FOXN3: variants seen among roughly 807,000 people sequenced by gnomAD.
FOXN3 encodes the protein forkhead box N3.
Under a neutral mutation model 38.4 loss-of-function variants are expected in FOXN3, and 7 were observed. That is an observed-to-expected ratio of 0.18 (90% CI 0.10 to 0.34). The LOEUF (loss-of-function observed/expected upper bound fraction) is 0.34, where lower values mean the gene tolerates loss of function less well. Ranked by LOEUF, FOXN3 falls within the 10% of genes least tolerant of loss-of-function variation. The probability of loss-of-function intolerance (pLI) is 1.00; values close to 1 mark genes in which losing one functional copy is unlikely to be tolerated. For synonymous variants in FOXN3, 230 were observed against 242.2 expected (o/e 0.95, Z 0.47); for missense variants, 456 against 613.4 (o/e 0.74, Z 2.71).
rs990657252 is a variant in FOXN3 at position 89,464,457 on chromosome 14, C to T, written c.-14-51967G>A. Among the ~76,000 whole-genome samples, 7 of 152,150 alleles carry T rather than the reference C, an allele frequency of 4.6e-5. No homozygotes were observed. In the South Asian group the frequency reaches 6.2e-4, roughly 14 times the overall value. ...TTTTCAGCAACAGCAGGAAAACTTC[C>T]GAGTGGTTCCCCTTTCCAAGAAACC... On this transcript the variant is annotated intron_variant, in intron 1 of 6. Transcript: ENST00000345097.
intron 1 of FOXN3, among the ~76,000 whole-genome samples, chr14:89,513,151 A>G (rs1309802074): frequency 3.0e-4 from 2 of 6,686 alleles, no homozygotes; most frequent in South Asian, 3.4e-3. Context: ...CCATCTCAGG[A>G]AAAAAAAAAA....
At chr14:89,602,722 A>T (rs942955655) in intron 1 of FOXN3, among the ~76,000 whole-genome samples, 25 of 151,984 alleles carry the variant, frequency 1.6e-4, no homozygotes, top group Non-Finnish European at 2.9e-4. Flanking sequence ...GGTCTTGAAC[A>T]CCTGACCTTG....
At chr14:89,184,811 C>T (rs545563459) in intron 4 of FOXN3, among the ~76,000 whole-genome samples, 8 of 152,310 alleles carry the variant, frequency 5.3e-5, no homozygotes, top group African/African-American at 1.4e-4. Context: ...TCATCGTCAC[C>T]GTCATCCTTC....
intron 4 of FOXN3, among the ~76,000 whole-genome samples, chr14:89,194,955 A>T (rs886529268): frequency 3.9e-5 from 6 of 152,098 alleles, no homozygotes; most frequent in African/African-American, 9.7e-5. Context: ...GCAACTTAAA[A>T]TTTTTTTCAC....
intron 4 of FOXN3, among the ~76,000 whole-genome samples, chr14:89,278,308 A>T (rs768182533): frequency 3.7e-4 from 56 of 152,196 alleles, no homozygotes; most frequent in Non-Finnish European, 7.6e-4. Flanking sequence ...CCACGAGAAC[A>T]GTATGTGGGA....
chr14:89,443,040 G>C (rs1892419620), intron 1 of FOXN3, among the ~76,000 whole-genome samples: 1 of 152,214 alleles, frequency 6.6e-6, no homozygotes, highest in Non-Finnish European at 1.5e-5. Flanking sequence ...TTCAAGTGCT[G>C]TTTCTGCCAA....
chr14:89,464,587 A>G (rs1438287735), intron 1 of FOXN3, among the ~76,000 whole-genome samples: 1 of 152,124 alleles, frequency 6.6e-6, no homozygotes, highest in African/African-American at 2.4e-5. Context: ...CCCCACCCAA[A>G]TCTCATCTTG....
chr14:89,534,335 C>T (rs1431652629), intron 1 of FOXN3, among the ~76,000 whole-genome samples: 1 of 152,054 alleles, frequency 6.6e-6, no homozygotes, highest in African/African-American at 2.4e-5. Flanking sequence ...GAACTGACCT[C>T]AGGTGATCCA....
At chr14:89,511,196 TTC>T (rs1396917052) in intron 1 of FOXN3, among the ~76,000 whole-genome samples, 2 of 20,572 alleles carry the variant, frequency 9.7e-5, no homozygotes, top group East Asian at 7.3e-4. Context: ...TTTCTTTTCT[TTC>T]TTTCTTTTCT....
chr14:89,300,253 GCTCATTGCAAC>G lies in FOXN3; in HGVS notation c.681-19250_681-19240del, dbSNP rs1442716410. Reference sequence around the variant, plus strand: ...GCTGGAGTGCAATGGCATGATCTTGGCTCATTGCAACCTCTACCTCCCAGGTTCAAGTGATT... The same window carrying G: ...GCTGGAGTGCAATGGCATGATCTTGGCTCTACCTCCCAGGTTCAAGTGATT... On this transcript the variant is annotated intron_variant, in intron 3 of 5. Transcript: ENST00000557258. Among the ~76,000 whole-genome samples the G allele has an allele frequency of 4.0e-5, 6 of 149,238 alleles. No homozygotes were observed. The Admixed American group carries it at 4.1e-4, about 10-fold the overall frequency.
chr14:89,290,720 A>C (rs1036432986), intron 3 of FOXN3: 4 of 363,232 alleles, frequency 1.1e-5, no homozygotes, highest in African/African-American at 6.6e-5. Context: ...GGGGAGACGT[A>C]CTTTGCCCTC....
At chr14:89,534,380 G>T (rs1894639780) in intron 1 of FOXN3, among the ~76,000 whole-genome samples, 8 of 152,024 alleles carry the variant, frequency 5.3e-5, no homozygotes. Context: ...GGGATTATAG[G>T]CATGAGCCAG....
chr14:89,496,396 G>C (rs562318478), intron 1 of FOXN3, among the ~76,000 whole-genome samples: 1 of 152,118 alleles, frequency 6.6e-6, no homozygotes, highest in East Asian at 1.9e-4. Flanking sequence ...TCCCAGAGCA[G>C]ATCATCTCAG....
At chr14:89,339,238 T>C (rs199970829) in intron 3 of FOXN3, among the ~76,000 whole-genome samples, 1 of 152,172 alleles carries the variant, frequency 6.6e-6, no homozygotes, top group East Asian at 1.9e-4. Context: ...CCTCCCAAAG[T>C]GCTGAGATTA....
At chr14:89,302,393 T>TAAACAGTTACGTA (rs1388934863) in intron 3 of FOXN3, among the ~76,000 whole-genome samples, 1 of 152,214 alleles carries the variant, frequency 6.6e-6, no homozygotes, top group East Asian at 1.9e-4. Context: ...TTTCTGGGTG[T>TAAACAGTTACGTA]AAACAGTTAC....
intron 2 of FOXN3, among the ~76,000 whole-genome samples, chr14:89,391,170 C>T (rs1890935214): frequency 6.6e-6 from 1 of 152,178 alleles, no homozygotes. Context: ...CCATCACCAG[C>T]CCCAGACTGA....
chr14:89,587,244 G>A (rs1408325904), intron 1 of FOXN3, among the ~76,000 whole-genome samples: 2 of 152,214 alleles, frequency 1.3e-5, no homozygotes, highest in African/African-American at 2.4e-5. Context: ...GGGGTAATCC[G>A]CTTTATTCAA....
At chr14:89,501,321 T>C (rs534174173) in intron 1 of FOXN3, among the ~76,000 whole-genome samples, 6 of 152,300 alleles carry the variant, frequency 3.9e-5, no homozygotes, top group African/African-American at 1.4e-4. Flanking sequence ...TAAATAAAAA[T>C]ACGTTTGTTG....
intron 1 of FOXN3, among the ~76,000 whole-genome samples, chr14:89,414,345 T>C (rs1289556281): frequency 6.6e-6 from 1 of 151,906 alleles, no homozygotes; most frequent in Non-Finnish European, 1.5e-5. Flanking sequence ...GACCCTTCTA[T>C]GTCTCTTAAA....
Sources: allele counts gnomAD v4.1 joint callset (sites outside exome capture counted in the v4.1 genomes callset), GRCh38; gene constraint gnomAD v4.1.1; transcripts MANE v1.5; gene names NCBI Gene and HGNC (gene_info 2026-07-23, HGNC 2026-07-21).